EPN2: variants seen among roughly 807,000 people sequenced by gnomAD.
The protein encoded by EPN2 is epsin 2, also known as epsin-2.
In EPN2, 34 loss-of-function variants were observed where a neutral mutation model predicts 61.7. The observed-to-expected ratio is 0.55, with a 90% CI of 0.42 to 0.73. The LOEUF (loss-of-function observed/expected upper bound fraction) is 0.73, where lower values mean the gene tolerates loss of function less well. Among genes scored for constraint, EPN2 ranks in the 30% least tolerant of loss-of-function variants. The pLI, the probability that EPN2 is intolerant of heterozygous loss-of-function variation, is 0.00. For missense variants in EPN2, 714 were observed against 839.2 expected, an observed-to-expected ratio of 0.85 and a Z score of 1.84; for synonymous variants, 349 against 353.6, an observed-to-expected ratio of 0.99 and a Z score of 0.15.
chr17:19,324,992 C>T (rs1166147724), intron 7 of EPN2, among the ~76,000 whole-genome samples: 1 of 151,922 alleles, frequency 6.6e-6, no homozygotes, highest in African/African-American at 2.4e-5. Flanking sequence ...TCTGTGCTTA[C>T]AAATCCAAAA....
chr17:19,276,298 C>T (rs758657146), intron 1 of EPN2: 10 of 151,882 alleles, frequency 6.6e-5, no homozygotes, highest in African/African-American at 9.7e-5. Context: ...AGGGATTCTC[C>T]CATCTCAGTC....
chr17:19,271,321 G>A (rs780042221), intron 1 of EPN2, among the ~76,000 whole-genome samples: 1 of 152,208 alleles, frequency 6.6e-6, no homozygotes, highest in Non-Finnish European at 1.5e-5. Flanking sequence ...CCAGTCTAGT[G>A]ACAGATAGAG....
chr17:19,309,305 A>G (rs1906005344), intron 4 of EPN2, among the ~76,000 whole-genome samples: 1 of 152,022 alleles, frequency 6.6e-6, no homozygotes. Flanking sequence ...TAATTTTTGT[A>G]TTTTTAGTAG....
At chr17:19,276,693 G>A (rs1045994814) in intron 1 of EPN2, among the ~76,000 whole-genome samples, 14 of 150,926 alleles carry the variant, frequency 9.3e-5, no homozygotes, top group Non-Finnish European at 1.6e-4. Context: ...CTGATGATAT[G>A]ATGATAGAAC....
chr17:19,304,961 C>T (rs577237528), intron 4 of EPN2, among the ~76,000 whole-genome samples: 12 of 152,294 alleles, frequency 7.9e-5, no homozygotes, highest in African/African-American at 2.6e-4. Context: ...CATTGCCACA[C>T]CAGGCCCAGG....
At chr17:19,303,152 T>G (rs1194430546) in intron 4 of EPN2, among the ~76,000 whole-genome samples, 1 of 152,158 alleles carries the variant, frequency 6.6e-6, no homozygotes, top group African/African-American at 2.4e-5. Context: ...GCTGAAATAT[T>G]TAAGAATAAG....
chr17:19,300,427 CTTTTT>C (rs72338416), intron 4 of EPN2, among the ~76,000 whole-genome samples: 7 of 108,932 alleles, frequency 6.4e-5, no homozygotes, highest in Admixed American at 2.3e-4. Context: ...AACTGTAAAT[CTTTTT>C]TTTTTTTTTT....
chr17:19,324,825 C>T (rs912323474), intron 7 of EPN2, among the ~76,000 whole-genome samples: 3 of 151,822 alleles, frequency 2.0e-5, no homozygotes, highest in Admixed American at 1.3e-4. Context: ...TAATAGTATC[C>T]GTAAAGACAA....
chr17:19,254,215 AAAAGG>A (rs144668253), intron 1 of EPN2, among the ~76,000 whole-genome samples: 1,543 of 151,886 alleles, frequency 0.01, 21 homozygotes, highest in African/African-American at 0.036. Flanking sequence ...AAGGAAAGGA[AAAAGG>A]AAAGGAAAGG....
intron 7 of EPN2, among the ~76,000 whole-genome samples, chr17:19,318,384 A>G (rs1307345995): frequency 6.6e-6 from 1 of 151,780 alleles, no homozygotes; most frequent in Non-Finnish European, 1.5e-5. Context: ...CCCCATCTCT[A>G]CTGAAAATAC....
chr17:19,308,987 G>C (rs557285601), intron 4 of EPN2, among the ~76,000 whole-genome samples: 1 of 98,478 alleles, frequency 1.0e-5, no homozygotes, highest in South Asian at 3.2e-4. Context: ...AACTAGCTAA[G>C]TGCACAGCAA....
chr17:19,329,225 C>T, intron 8 of EPN2: 1 of 429,304 alleles, frequency 2.3e-6, no homozygotes. Context: ...CTTCTGGTGA[C>T]TTCCTACAGA....
chr17:19,270,235 TAGAG>T (rs1420715558), intron 1 of EPN2, among the ~76,000 whole-genome samples: 1 of 152,244 alleles, frequency 6.6e-6, no homozygotes, highest in Non-Finnish European at 1.5e-5. Context: ...AGCCTCTTCT[TAGAG>T]AGCCCCTTCT....
At position 19,335,458 on chromosome 17, in the gene EPN2, A is replaced by C; in HGVS notation, c.*1204A>C. 3.9e-6 allele frequency: 6 copies of C among 1,550,156 alleles called. No individual in the cohort carries two copies. The highest frequency in any genetic ancestry group is 5.2e-6 in the Non-Finnish European group (6 of 1,146,724). ...TACAATGGAAATCTGAAATGGAAGA[A>C]ACATCTTTAACCTTGTGTGTCTGTG... On this transcript the variant is annotated 3_prime_UTR_variant, in exon 11 of 11. Transcript: ENST00000314728.
intron 9 of EPN2, chr17:19,330,684 T>TA (rs1284918078): frequency 6.6e-6 from 1 of 152,306 alleles, no homozygotes; most frequent in Admixed American, 6.5e-5. Flanking sequence ...TGGCCATTGT[T>TA]ACATGTCAGC....
intron 4 of EPN2, among the ~76,000 whole-genome samples, chr17:19,297,830 C>T (rs1416722994): frequency 6.6e-6 from 1 of 152,192 alleles, no homozygotes; most frequent in African/African-American, 2.4e-5. Context: ...TAACTCTATG[C>T]ATTTTCCATG....
At chr17:19,270,906 G>T (rs1018848742) in intron 1 of EPN2, among the ~76,000 whole-genome samples, 2 of 152,140 alleles carry the variant, frequency 1.3e-5, no homozygotes, top group African/African-American at 4.8e-5. Flanking sequence ...CCTGTTCCCA[G>T]GCAGTTTATT....
chr17:19,308,644 C>T (rs1905971096), intron 4 of EPN2: 1 of 985,242 alleles, frequency 1.0e-6, no homozygotes, highest in African/African-American at 1.7e-5. Context: ...TGCACGGAGA[C>T]CCGGGAGGAG....
Position 19,287,146 on chromosome 17 carries a change from G to A in EPN2, c.766+1356G>A, listed in dbSNP as rs561090214. On this transcript the variant is annotated intron_variant, in intron 4 of 10. Transcript: ENST00000314728. ...TACAGCCTGGCAGGCCTGCAGGCTG[G>A]CCATCTTCCCCCACTGCGGCTGTCT... Among the ~76,000 whole-genome samples the A allele has an allele frequency of 1.2e-4, 19 of 152,074 alleles. No individual in the cohort carries two copies. In the East Asian group the frequency reaches 2.9e-3, roughly 23 times the overall value.
Sources: gnomAD v4.1 joint callset for allele counts (sites outside exome capture counted in the v4.1 genomes callset) on GRCh38, gnomAD v4.1.1 for gene constraint, MANE v1.5 for transcripts, NCBI Gene and HGNC (gene_info 2026-07-23, HGNC 2026-07-21) for gene names.